Variants in POLR3B observed in about 807,000 individuals in gnomAD.
POLR3B encodes the protein DNA-directed RNA polymerase III subunit RPC2.
In POLR3B, 96 loss-of-function variants were observed where a neutral mutation model predicts 147.4. The ratio of observed to expected loss-of-function variants is 0.65; its 90% CI spans 0.55 to 0.77. The LOEUF (loss-of-function observed/expected upper bound fraction) is 0.77, where lower values mean the gene tolerates loss of function less well. POLR3B is among the 30% of genes least tolerant of loss of function. POLR3B has a pLI of 0.00. For missense variants in POLR3B, 1,036 were observed against 1,413.5 expected (o/e 0.73, Z 4.28); for synonymous variants, 461 against 485.9 (o/e 0.95, Z 0.67).
chr12:106,392,216 G>A (rs971711704), intron 9 of POLR3B, among the ~76,000 whole-genome samples: 5 of 152,076 alleles, frequency 3.3e-5, no homozygotes, highest in Admixed American at 1.3e-4. Flanking sequence ...AGGCTGGAGT[G>A]CAATGGCACA....
At chr12:106,446,417 CAAA>C (rs10654233) in intron 19 of POLR3B, 1,706 of 157,558 alleles carry the variant, frequency 0.011, no homozygotes, top group South Asian at 0.03. Context: ...CCTCTCCCCA[CAAA>C]AAAAAAAAAA....
intron 10 of POLR3B, among the ~76,000 whole-genome samples, chr12:106,403,962 A>C (rs970809951): frequency 1.3e-5 from 2 of 152,082 alleles, no homozygotes; most frequent in Non-Finnish European, 2.9e-5. Flanking sequence ...AAAGTGTAAT[A>C]ATAATAAAAT....
In POLR3B at chr12:106,385,168, G is replaced by A. The variant is rs112543019; in HGVS notation, c.723+5029G>A. Among the ~76,000 whole-genome samples, 633 of 152,240 alleles carry A rather than the reference G, an allele frequency of 4.2e-3. 6 individuals are homozygous for A. Among genetic ancestry groups the A allele is most frequent in the African/African-American group, 0.015 (612 of 41,524 alleles). Reference sequence around the variant, plus strand: ...CACACAGAAAATAACGTTCTGTATTGATTAGTTGAGGAAAATGTTGTGACC... The same window carrying A: ...CACACAGAAAATAACGTTCTGTATTAATTAGTTGAGGAAAATGTTGTGACC... On this transcript the variant is annotated intron_variant, in intron 9 of 27. Coordinates refer to ENST00000228347, the MANE Select transcript of POLR3B (RefSeq NM_018082.6).
chr12:106,506,374 T>G (rs547500470), intron 27 of POLR3B, among the ~76,000 whole-genome samples: 19 of 152,264 alleles, frequency 1.2e-4, no homozygotes, highest in African/African-American at 4.3e-4. Flanking sequence ...TTTCCTTTTC[T>G]CTTCCTCCCC....
At chr12:106,368,342 A>C (rs1481242016) in intron 4 of POLR3B, among the ~76,000 whole-genome samples, 1 of 152,110 alleles carries the variant, frequency 6.6e-6, no homozygotes, top group Non-Finnish European at 1.5e-5. Context: ...AAATATGTGT[A>C]TGTATACGAA....
intron 27 of POLR3B, among the ~76,000 whole-genome samples, chr12:106,508,609 C>T (rs1032981683): frequency 2.0e-5 from 3 of 152,224 alleles, no homozygotes; most frequent in African/African-American, 7.2e-5. Flanking sequence ...GACCCTTCTA[C>T]AGTTGTAGCC....
chr12:106,376,635 T>TTTTTTTTTTTTTTA (rs2036684044), intron 7 of POLR3B, among the ~76,000 whole-genome samples, 185 bp downstream of exon 7: 1 of 151,930 alleles, frequency 6.6e-6, no homozygotes, highest in African/African-American at 2.4e-5. Context: ...CTTTCTTTTT[T>TTTTTTTTTTTTTTA]GAGATAGTGT....
intron 23 of POLR3B, among the ~76,000 whole-genome samples, chr12:106,478,590 A>G (rs1435902230): frequency 1.3e-5 from 2 of 151,966 alleles, no homozygotes; most frequent in African/African-American, 2.4e-5. Flanking sequence ...CTTCTCTTAC[A>G]GCTTCATCAA....
chr12:106,405,754 C>G, intron 10 of POLR3B, 103 bp from the exon 11 acceptor site: 1 of 1,106,200 alleles, frequency 9.0e-7, no homozygotes, highest in Non-Finnish European at 1.4e-6. Context: ...TCTCTATAAC[C>G]AGGGTCTTTA....
At chr12:106,373,059 T>G (rs1436751873) in intron 6 of POLR3B, among the ~76,000 whole-genome samples, 1 of 152,220 alleles carries the variant, frequency 6.6e-6, no homozygotes, top group Non-Finnish European at 1.5e-5. Context: ...CAAGAGGTAT[T>G]CTCCAGTTGT....
At chr12:106,363,720 A>G (rs964145982) in intron 1 of POLR3B, 150 bp from the exon 2 acceptor site, 20 of 690,844 alleles carry the variant, frequency 2.9e-5, no homozygotes, top group Non-Finnish European at 2.6e-6. Flanking sequence ...TTATATGCAT[A>G]TGCACACATG....
At chr12:106,404,326 C>G (rs2037120054) in intron 10 of POLR3B, among the ~76,000 whole-genome samples, 1 of 152,150 alleles carries the variant, frequency 6.6e-6, no homozygotes, top group Non-Finnish European at 1.5e-5. Context: ...CTCCTTACTT[C>G]AGGTGATCTG....
At chr12:106,455,726 A>G (rs2037856747) in intron 20 of POLR3B, among the ~76,000 whole-genome samples, 1 of 152,218 alleles carries the variant, frequency 6.6e-6, no homozygotes, top group African/African-American at 2.4e-5. Flanking sequence ...TGAAATTTCA[A>G]GATCATGTAA....
chr12:106,458,614 T>G (rs2037894700), intron 21 of POLR3B, among the ~76,000 whole-genome samples: 1 of 152,160 alleles, frequency 6.6e-6, no homozygotes, highest in African/African-American at 2.4e-5. Flanking sequence ...GGTTGGCCTG[T>G]GGGCGGTGAA....
intron 19 of POLR3B, among the ~76,000 whole-genome samples, chr12:106,449,451 T>C (rs2037769795): frequency 6.6e-6 from 1 of 152,150 alleles, no homozygotes; most frequent in Non-Finnish European, 1.5e-5. Context: ...GTGTATAACT[T>C]TTGACTCCCC....
rs748432049 is a variant in POLR3B at position 106,457,156 on chromosome 12, T to C, written c.2312T>C (p.Val771Ala). The C allele has an allele frequency of 2.4e-5, 39 of 1,613,284 alleles. No homozygotes were observed. The highest frequency in any genetic ancestry group is 6.7e-5 in the African/African-American group (5 of 74,864). Residue 771 changes from valine to alanine, a missense_variant, in exon 21 of 28, where the codon GTA (valine) becomes GCA (alanine). Coordinates refer to ENST00000228347, the MANE Select transcript of POLR3B (RefSeq NM_018082.6). The stretch of plus-strand genomic sequence containing the variant: ...ATTTTAGGCTTTGGGCGTTGCCTTG[T>C]ATATAAAAATGCTAAATGTACGTTG... The part of the protein sequence containing the change: ...SLDRGFGRCL[V>A]YKNAKCTLKR...
chr12:106,460,694 TTTC>T (rs1293971027), intron 22 of POLR3B, among the ~76,000 whole-genome samples: 2 of 152,056 alleles, frequency 1.3e-5, no homozygotes. Flanking sequence ...GATATCTCTT[TTTC>T]TGTGCGAAGT....
chr12:106,388,324 C>CT (rs35512078), intron 9 of POLR3B, among the ~76,000 whole-genome samples: 33,543 of 147,446 alleles, frequency 0.23, 4,983 homozygotes, highest in East Asian at 0.71. Context: ...GGAAATTTAT[C>CT]TTTTTTTTTT....
intron 9 of POLR3B, among the ~76,000 whole-genome samples, chr12:106,386,418 A>C (rs2036838792): frequency 6.6e-6 from 1 of 151,658 alleles, no homozygotes; most frequent in Non-Finnish European, 1.5e-5. Flanking sequence ...GTTCCCATGC[A>C]TCCAAAGGAC....
Sources: allele counts gnomAD v4.1 joint callset (sites outside exome capture counted in the v4.1 genomes callset), GRCh38; gene constraint gnomAD v4.1.1; transcripts MANE v1.5; gene names NCBI Gene and HGNC (gene_info 2026-07-23, HGNC 2026-07-21).